NRXN1: variants seen among roughly 807,000 people sequenced by gnomAD.
NRXN1 encodes neurexin 1.
NRXN1 carries 39 observed loss-of-function variants against 150.9 expected under a neutral mutation model. That is an observed-to-expected ratio of 0.26 (90% CI 0.20 to 0.34). The LOEUF is 0.34. Ranked by LOEUF, NRXN1 falls within the 10% of genes least tolerant of loss-of-function variation. The pLI, the probability that NRXN1 is intolerant of heterozygous loss-of-function variation, is 1.00. For missense variants in NRXN1, 1,815 were observed against 1,949.9 expected (o/e 0.93, Z 1.30); for synonymous variants, 924 against 757.0 (o/e 1.22, Z -3.62).
chr2:50,777,030 C>CTA (rs771977362), intron 5 of NRXN1, among the ~76,000 whole-genome samples: 2 of 152,132 alleles, frequency 1.3e-5, no homozygotes, highest in Non-Finnish European at 2.9e-5. Flanking sequence ...AGCCAATTTT[C>CTA]TCCTATTAGA....
In NRXN1 at chr2:50,221,685, T is replaced by C. The variant is rs78860885; in HGVS notation, c.3546+15104A>G. On this transcript the variant is annotated intron_variant, in intron 18 of 22. Coordinates refer to ENST00000401669, the MANE Select transcript of NRXN1 (RefSeq NM_001330078.2). ...AATAGGACTGAAGTAATTAATCACA[T>C]GTAGAATTTGAAAAACTCAACTAGG... 6.6e-3 allele frequency among the ~76,000 whole-genome samples: 1,006 copies of C among 152,158 alleles called. 14 individuals carry two copies. The highest frequency in any genetic ancestry group is 0.023 in the African/African-American group (971 of 41,554).
intron 17 of NRXN1, among the ~76,000 whole-genome samples, chr2:50,352,935 C>T (rs1238548148): frequency 1.3e-5 from 2 of 151,850 alleles, no homozygotes; most frequent in Non-Finnish European, 2.9e-5. Context: ...CTTTCACCTC[C>T]AACCACCGAT....
At chr2:50,494,662 T>C (rs1027514635) in intron 15 of NRXN1, among the ~76,000 whole-genome samples, 1 of 152,332 alleles carries the variant, frequency 6.6e-6, no homozygotes, top group African/African-American at 2.4e-5. Flanking sequence ...ATTCAAAATA[T>C]ATTCTGCAAT....
chr2:50,309,279 TC>T (rs1202529088), intron 17 of NRXN1, among the ~76,000 whole-genome samples: 1 of 152,184 alleles, frequency 6.6e-6, no homozygotes, highest in African/African-American at 2.4e-5. Context: ...AACATCAATG[TC>T]TTCAAAACTA....
At chr2:50,813,367 T>C (rs1344829791) in intron 5 of NRXN1, among the ~76,000 whole-genome samples, 1 of 152,186 alleles carries the variant, frequency 6.6e-6, no homozygotes, top group Non-Finnish European at 1.5e-5. Flanking sequence ...TTTTGCACTA[T>C]CTTCTCTCGT....
chr2:50,201,836 C>T (rs1395016827), intron 18 of NRXN1, among the ~76,000 whole-genome samples: 1 of 152,188 alleles, frequency 6.6e-6, no homozygotes, highest in African/African-American at 2.4e-5. Context: ...GGAACATTAG[C>T]TTCCAAGGTA....
At position 50,621,352 on chromosome 2, in the gene NRXN1, A is replaced by G. The variant is rs917333807; in HGVS notation, c.1135-103T>C. 2.3e-5 allele frequency: 20 copies of G among 862,670 alleles called. No individual in the cohort carries two copies. The African/African-American group carries it at 3.1e-4, about 13-fold the overall frequency. The allele number at this position is 862,670 out of a possible 1,614,324, so 53.4% of individuals were successfully genotyped here. On this transcript the variant is annotated intron_variant, in intron 6 of 22. Transcript: ENST00000401669. ...CTCTACCATGTTAGTACATTTTTTGATTCAGGTAACGGTTAGTAGAATGAA... is the reference window on the plus strand; with the variant it reads ...CTCTACCATGTTAGTACATTTTTTGGTTCAGGTAACGGTTAGTAGAATGAA...
intron 5 of NRXN1, among the ~76,000 whole-genome samples, chr2:50,666,757 A>G (rs536111914): frequency 1.6e-4 from 25 of 152,066 alleles, no homozygotes; most frequent in African/African-American, 5.8e-4. Context: ...AATTGTTACA[A>G]TATTTTAGAA....
At chr2:51,004,984 T>C (rs925878770) in intron 2 of NRXN1, among the ~76,000 whole-genome samples, 24 of 152,004 alleles carry the variant, frequency 1.6e-4, no homozygotes, top group African/African-American at 5.6e-4. Context: ...CACTATAATA[T>C]GCATGCCTAT....
At chr2:50,506,691 G>T (rs2105000753) in intron 12 of NRXN1, 74 bp from the exon 13 acceptor site, 2 of 1,505,894 alleles carry the variant, frequency 1.3e-6, no homozygotes, top group South Asian at 1.2e-5. Flanking sequence ...GAGAGTGAGA[G>T]AAAGAGACAA....
intron 5 of NRXN1, among the ~76,000 whole-genome samples, chr2:50,889,815 T>A (rs1331617659): frequency 1.3e-5 from 2 of 151,660 alleles, no homozygotes; most frequent in Admixed American, 1.3e-4. Context: ...TAAACATAAC[T>A]GCATACAATA....
chr2:50,927,431 A>T (rs900392825), intron 2 of NRXN1, among the ~76,000 whole-genome samples: 6 of 151,998 alleles, frequency 3.9e-5, no homozygotes, highest in African/African-American at 9.7e-5. Flanking sequence ...ACAACAAAAA[A>T]AACTTTCAAA....
chr2:50,120,800 C>T (rs1320392131), intron 18 of NRXN1, among the ~76,000 whole-genome samples: 1 of 152,130 alleles, frequency 6.6e-6, no homozygotes, highest in Non-Finnish European at 1.5e-5. Flanking sequence ...CTTATTCTGT[C>T]CTTACTGTGG....
intron 2 of NRXN1, among the ~76,000 whole-genome samples, chr2:50,937,159 A>G (rs983640107): frequency 3.3e-5 from 5 of 152,182 alleles, no homozygotes; most frequent in Admixed American, 1.3e-4. Flanking sequence ...CCCCTTATTC[A>G]ATAATGCCAG....
chr2:50,083,118 T>C (rs764943517), intron 19 of NRXN1, among the ~76,000 whole-genome samples: 1 of 152,218 alleles, frequency 6.6e-6, no homozygotes, highest in Admixed American at 6.5e-5. Context: ...GAGAACTTTA[T>C]GAAAGTCACT....
At chr2:50,252,233 C>CTTTTTTTTTTTCTTTTTTTTT (rs2067173937) in intron 17 of NRXN1, among the ~76,000 whole-genome samples, 2 of 94,916 alleles carry the variant, frequency 2.1e-5, no homozygotes, top group Non-Finnish European at 3.8e-5. Flanking sequence ...ACATTTTGTC[C>CTTTTTTTTTTTCTTTTTTTTT]TTTTTTTTTT....
At chr2:50,038,704 A>G (rs955113027) in intron 21 of NRXN1, among the ~76,000 whole-genome samples, 11 of 152,042 alleles carry the variant, frequency 7.2e-5, no homozygotes, top group Non-Finnish European at 1.5e-4. Flanking sequence ...ATAACCACCT[A>G]AAATATAGAA....
intron 5 of NRXN1, among the ~76,000 whole-genome samples, chr2:50,634,031 G>C (rs1036069078): frequency 6.6e-6 from 1 of 152,174 alleles, no homozygotes; most frequent in Non-Finnish European, 1.5e-5. Flanking sequence ...AATCCAGTGA[G>C]CATTGAGCAC....
chr2:50,447,657 ATGCAT>A (rs2104502885), intron 17 of NRXN1, among the ~76,000 whole-genome samples: 1 of 143,456 alleles, frequency 7.0e-6, no homozygotes, highest in African/African-American at 2.6e-5. Context: ...TCTATTAAAA[ATGCAT>A]TTAGCTAATA....
Sources: allele counts gnomAD v4.1 joint callset (sites outside exome capture counted in the v4.1 genomes callset), GRCh38; gene constraint gnomAD v4.1.1; transcripts MANE v1.5; gene names NCBI Gene and HGNC (gene_info 2026-07-23, HGNC 2026-07-21).